Variants in INO80 observed in about 807,000 individuals in gnomAD.
INO80 encodes the protein chromatin-remodeling ATPase INO80.
INO80 carries 20 observed loss-of-function variants against 203.4 expected under a neutral mutation model. The observed-to-expected ratio is 0.10, with a 90% confidence interval of 0.07 to 0.14. The LOEUF is 0.14. Among genes scored for constraint, INO80 ranks in the 10% least tolerant of loss-of-function variants. INO80 has a pLI of 1.00. For missense variants in INO80, 1,419 were observed against 1,914.4 expected (o/e 0.74, Z 4.83); for synonymous variants, 726 against 685.2 (o/e 1.06, Z -0.93).
intron 26 of INO80, chr15:41,017,860 C>A (rs1390690272): frequency 6.6e-6 from 1 of 152,216 alleles, no homozygotes; most frequent in Non-Finnish European, 1.5e-5. Context: ...TCCTTACCAA[C>A]ACAATCAAAT....
rs113407733 is a variant in INO80, at chr15:40,980,379, A to C, written c.4515T>G (p.Phe1505Leu). 4 of 1,613,904 alleles carry C rather than the reference A, an allele frequency of 2.5e-6. No homozygotes were observed. The Admixed American group carries it at 6.7e-5, about 27-fold the overall frequency. ...AAGGAGAAGAGGCGCTTGAAGGTCC[A>C]AAGTCAGCAAGGCCAGCAGGCCGAA... ...SLVRPAGLAD[F>L]GPSSASSPLS... Residue 1505 changes from phenylalanine to leucine, a missense_variant, in exon 36 of 36, where the codon TTT becomes TTG. Phe to Leu is a conservative substitution (Grantham distance 22, BLOSUM62 0). Coordinates refer to ENST00000648947, the MANE Select transcript of INO80 (RefSeq NM_017553.3).
chr15:41,014,810 A>C (rs866879862), intron 27 of INO80, among the ~76,000 whole-genome samples: 1 of 152,164 alleles, frequency 6.6e-6, no homozygotes, highest in Non-Finnish European at 1.5e-5. Context: ...GGCTTCCAAA[A>C]AGCCTGAAAA....
At chr15:41,111,747 G>A (rs982775137) in intron 1 of INO80, among the ~76,000 whole-genome samples, 6 of 151,628 alleles carry the variant, frequency 4.0e-5, no homozygotes, top group African/African-American at 9.7e-5. Context: ...AGGTTGCAGT[G>A]AGCTGAGATC....
At chr15:41,025,586 G>A in intron 25 of INO80, among the ~76,000 whole-genome samples, 1 of 152,084 alleles carries the variant, frequency 6.6e-6, no homozygotes, top group East Asian at 1.9e-4. Context: ...GTGATGGCAT[G>A]CACCTGTAAT....
At chr15:41,112,932 G>A (rs529761281) in intron 1 of INO80, among the ~76,000 whole-genome samples, 1 of 148,864 alleles carries the variant, frequency 6.7e-6, no homozygotes, top group African/African-American at 2.5e-5. Flanking sequence ...TGTTGTTGTT[G>A]TTGAGCCAGC....
intron 29 of INO80, among the ~76,000 whole-genome samples, chr15:40,990,542 A>AT (rs932102542): frequency 2.6e-5 from 4 of 152,236 alleles, no homozygotes; most frequent in African/African-American, 9.6e-5. Flanking sequence ...GTTTCCCTCC[A>AT]TTTTTAGCAC....
At chr15:41,045,579 CTCAAA>C (rs1363109861) in intron 23 of INO80, among the ~76,000 whole-genome samples, 3 of 17,274 alleles carry the variant, frequency 1.7e-4, no homozygotes, top group Non-Finnish European at 3.5e-4. Flanking sequence ...GAGACTCTGT[CTCAAA>C]AAAAAAAAAA....
chr15:41,018,414 C>T (rs1432502562), intron 26 of INO80: 2 of 152,280 alleles, frequency 1.3e-5, no homozygotes, highest in East Asian at 3.9e-4. Context: ...TAAAGATGTG[C>T]ATATACTTAT....
At chr15:41,032,663 G>C (rs1452784755) in intron 24 of INO80, among the ~76,000 whole-genome samples, 2 of 152,146 alleles carry the variant, frequency 1.3e-5, no homozygotes, top group African/African-American at 2.4e-5. Flanking sequence ...TCTATGTTTA[G>C]AACCTTTGTG....
intron 28 of INO80, among the ~76,000 whole-genome samples, chr15:41,004,179 G>C (rs1428899201): frequency 6.6e-6 from 1 of 152,192 alleles, no homozygotes; most frequent in Non-Finnish European, 1.5e-5. Flanking sequence ...CCACACAGCT[G>C]CACGAGGGTA....
Position 41,081,084 on chromosome 15 carries a change from T to TA in INO80, c.874-12dup. On this transcript the variant is annotated splice_polypyrimidine_tract_variant and intron_variant, in intron 7 of 35. Transcript: ENST00000648947. ...TTTCTGCTTATTTGCCTAAAATATT[T>TA]AAAAAACAATATTTCATTTAGGATT... 2 of 1,521,278 alleles carry TA rather than the reference T, an allele frequency of 1.3e-6. No individual in the cohort carries two copies. Among genetic ancestry groups the TA allele is most frequent in the Non-Finnish European group, 1.8e-6 (2 of 1,096,910 alleles). 94.2% of individuals were successfully genotyped at this position (1,521,278 alleles called of 1,614,324 possible). A position where few individuals can be genotyped will look rare whatever the true frequency, so the allele number is the denominator to read the frequency against.
At chr15:41,102,745 T>C (rs1207847259) in intron 1 of INO80, among the ~76,000 whole-genome samples, 4 of 152,180 alleles carry the variant, frequency 2.6e-5, no homozygotes, top group Non-Finnish European at 5.9e-5. Context: ...TTGAGAACCA[T>C]GCTCTCTGAT....
At chr15:41,045,770 G>A (rs563063315) in intron 23 of INO80, among the ~76,000 whole-genome samples, 1 of 147,406 alleles carries the variant, frequency 6.8e-6, no homozygotes, top group Admixed American at 6.8e-5. Context: ...GCGTGGTTGT[G>A]CACGCCTGTA....
intron 24 of INO80, chr15:41,027,945 C>G (rs1256142659): frequency 5.6e-6 from 2 of 356,788 alleles, no homozygotes; most frequent in African/African-American, 2.1e-5. Context: ...ATTAATATAC[C>G]TTAAACAACT....
At chr15:41,044,877 G>A (rs766253412) in intron 24 of INO80, 27 bp downstream of exon 24, 1 of 1,570,362 alleles carries the variant, frequency 6.4e-7, no homozygotes, top group South Asian at 1.2e-5. Flanking sequence ...TACTAAGTAG[G>A]TAATTTATGC....
chr15:41,028,254 T>A (rs555082892), intron 24 of INO80, among the ~76,000 whole-genome samples: 1 of 152,156 alleles, frequency 6.6e-6, no homozygotes, highest in Admixed American at 6.6e-5. Context: ...TCATGCCTCA[T>A]CCTCCCGAGT....
chr15:41,077,855 C>T (rs2045428639), intron 9 of INO80, among the ~76,000 whole-genome samples: 1 of 151,854 alleles, frequency 6.6e-6, no homozygotes, highest in Non-Finnish European at 1.5e-5. Context: ...ATACACTCAG[C>T]CTAAGGAAAA....
chr15:41,093,339 C>T lies in INO80; in HGVS notation c.382-1157G>A, dbSNP rs184164131. On this transcript the variant is annotated intron_variant, in intron 4 of 35. Coordinates refer to ENST00000648947, the MANE Select transcript of INO80 (RefSeq NM_017553.3). ...ACTCAGGAGGCTGAGACAGGAGAAT[C>T]GCTTGAACCCAGGAGGGAGAGGTTG... 1.2e-4 allele frequency among the ~76,000 whole-genome samples: 19 copies of T among 152,032 alleles called. 1 individual carries two copies. In the East Asian group the frequency reaches 3.7e-3, roughly 29 times the overall value.
intron 1 of INO80, among the ~76,000 whole-genome samples, chr15:41,111,402 C>A (rs978359239): frequency 2.0e-5 from 3 of 151,856 alleles, no homozygotes; most frequent in Non-Finnish European, 2.9e-5. Context: ...GCCAAGATGG[C>A]GCCACTGCAC....
Sources: allele counts gnomAD v4.1 joint callset (sites outside exome capture counted in the v4.1 genomes callset), GRCh38; gene constraint gnomAD v4.1.1; transcripts MANE v1.5; gene names NCBI Gene and HGNC (gene_info 2026-07-23, HGNC 2026-07-21).